FAM222A: variants seen among roughly 807,000 people sequenced by gnomAD.
The protein encoded by FAM222A is family with sequence similarity 222 member A.
In FAM222A, 7 loss-of-function variants were observed where a neutral mutation model predicts 25.8. The ratio of observed to expected loss-of-function variants is 0.27; its 90% CI spans 0.15 to 0.51. The LOEUF is 0.51. FAM222A is among the 20% of genes least tolerant of loss of function. The pLI is 0.97. For synonymous variants in FAM222A, 294 were observed against 298.8 expected, an observed-to-expected ratio of 0.98 and a Z score of 0.17; for missense variants, 573 against 640.5, an observed-to-expected ratio of 0.89 and a Z score of 1.14.
At chr12:109,743,945 G>T (rs1272643278) in intron 1 of FAM222A, 156 bp from the exon 2 acceptor site, 5 of 985,306 alleles carry the variant, frequency 5.1e-6, no homozygotes, top group Non-Finnish European at 6.0e-6. Context: ...GATGCCTCAG[G>T]CCTTGGTCCC....
chr12:109,769,247 G>A lies in FAM222A; in HGVS notation c.1318G>A (p.Asp440Asn), dbSNP rs747843008. 23 of 1,611,494 alleles carry A rather than the reference G, an allele frequency of 1.4e-5. No homozygotes were observed. The highest frequency in any genetic ancestry group is 8.0e-5 in the African/African-American group (6 of 75,008). ...YETVAVPRLL[D>N]HQHAHIRLPV... is the part of the protein sequence containing the mutation. ...GACGGTGGCCGTGCCCCGGCTACTC[G>A]ACCACCAGCATGCCCACATCCGCCT... is the stretch of plus-strand genomic sequence containing the variant. Residue 440 changes from aspartate to asparagine, a missense_variant, in exon 3 of 3, where the codon GAC becomes AAC. Around this residue, in one of 3 missense-constraint regions of FAM222A, gnomAD observed 49 missense variants for 78.9 expected, o/e 0.62. Transcript: ENST00000538780.
chr12:109,769,336 G>A lies in FAM222A; in HGVS notation c.*48G>A, dbSNP rs1359376666. 1 of 1,518,512 alleles carries A rather than the reference G, an allele frequency of 6.6e-7. No homozygotes were observed. The highest frequency in any genetic ancestry group is 8.9e-7 in the Non-Finnish European group (1 of 1,129,728). The allele number at this position is 1,518,512 out of a possible 1,614,324, so 94.1% of individuals were successfully genotyped here. On this transcript the variant is annotated 3_prime_UTR_variant, in exon 3 of 3. Transcript: ENST00000538780. ...ACATGCGGACAGGGCGCAGAGCCGG[G>A]AGGCAGGCCGCAGAACAGGGTGGGC...
chr12:109,722,345 T>G (rs1364396652), intron 1 of FAM222A, among the ~76,000 whole-genome samples: 1 of 152,224 alleles, frequency 6.6e-6, no homozygotes. Flanking sequence ...TGAGGTCCCG[T>G]CTAAGAGTAC....
intron 1 of FAM222A, among the ~76,000 whole-genome samples, chr12:109,720,901 C>G (rs1237011252): frequency 1.3e-5 from 2 of 152,156 alleles, no homozygotes; most frequent in African/African-American, 4.8e-5. Context: ...GTGGGCCCTG[C>G]CCTGGGCCAC....
chr12:109,741,791 A>C (rs1888246560), intron 1 of FAM222A, among the ~76,000 whole-genome samples: 1 of 152,174 alleles, frequency 6.6e-6, no homozygotes, highest in African/African-American at 2.4e-5. Flanking sequence ...CTGGGAGGCA[A>C]GGAGGTTCCA....
intron 1 of FAM222A, among the ~76,000 whole-genome samples, chr12:109,732,229 A>G (rs575370524): frequency 1.3e-5 from 2 of 152,278 alleles, no homozygotes; most frequent in South Asian, 4.2e-4. Flanking sequence ...GCCGGGTGGG[A>G]GGAGGTTCTT....
intron 1 of FAM222A, among the ~76,000 whole-genome samples, chr12:109,732,769 A>G (rs118045312): frequency 1.0e-3 from 154 of 152,352 alleles, no homozygotes; most frequent in Admixed American, 1.8e-3. Context: ...TTCCACTGCT[A>G]CATCTCATCA....
intron 2 of FAM222A, among the ~76,000 whole-genome samples, chr12:109,757,109 ACT>A (rs748023404): frequency 3.8e-4 from 58 of 152,212 alleles, no homozygotes; most frequent in Non-Finnish European, 5.1e-4. Flanking sequence ...AAATTATGAA[ACT>A]CTGACAAAAG....
intron 1 of FAM222A, among the ~76,000 whole-genome samples, chr12:109,724,954 G>T (rs1887813784): frequency 1.3e-5 from 2 of 152,094 alleles, no homozygotes; most frequent in Non-Finnish European, 2.9e-5. Context: ...TCCCTTTCTT[G>T]TTGGCATCCG....
intron 1 of FAM222A, chr12:109,720,062 A>G (rs1887719972): frequency 2.0e-6 from 2 of 983,234 alleles, no homozygotes; most frequent in South Asian, 4.7e-5. Context: ...GTGAGCTTGC[A>G]TGTGCATAGT....
chr12:109,769,488 A>C lies in FAM222A; in HGVS notation c.*200A>C, dbSNP rs1592805792. On this transcript the variant is annotated 3_prime_UTR_variant, in exon 3 of 3. Transcript: ENST00000538780. ...ACCTCACATACCAAGGCCCCTCCCCACCATCGGTTGCCCCAGGACACAGTG... is the reference window on the plus strand; with the variant it reads ...ACCTCACATACCAAGGCCCCTCCCCCCCATCGGTTGCCCCAGGACACAGTG... 6.2e-6 allele frequency: 4 copies of C among 645,542 alleles called. No individual in the cohort carries two copies. In the East Asian group the frequency reaches 1.1e-4, roughly 18 times the overall value. The allele number at this position is 645,542 out of a possible 1,614,324, so 40.0% of individuals were successfully genotyped here.
intron 1 of FAM222A, among the ~76,000 whole-genome samples, chr12:109,716,470 A>G (rs943377123): frequency 6.6e-6 from 1 of 152,198 alleles, no homozygotes; most frequent in Non-Finnish European, 1.5e-5. Flanking sequence ...CTAGATTAAC[A>G]GGTCAATAAA....
chr12:109,741,061 G>A (rs988418410), intron 1 of FAM222A, among the ~76,000 whole-genome samples: 4 of 152,166 alleles, frequency 2.6e-5, no homozygotes, highest in Non-Finnish European at 4.4e-5. Context: ...TGGGCTCCAC[G>A]CCGGGGCCAG....
chr12:109,714,229 G>A lies in FAM222A; in HGVS notation c.-715G>A. 1 of 208,154 alleles carries A rather than the reference G, an allele frequency of 4.8e-6. No homozygotes were observed. Among genetic ancestry groups the A allele is most frequent in the Admixed American group, 5.9e-5 (1 of 16,990 alleles). 12.9% of individuals were successfully genotyped at this position (208,154 alleles called of 1,614,324 possible). A position where few individuals can be genotyped will look rare whatever the true frequency, so the allele number is the denominator to read the frequency against. On this transcript the variant is annotated 5_prime_UTR_variant, in exon 1 of 3. Transcript: ENST00000538780. The surrounding 1 kb of genome is among the most constrained non-coding windows in gnomAD (Gnocchi z 4.2). ...CGCCGCCGCCGCCGCTGCCGCCGCCGCTGTTCGCCGGCTTCCCCTCCCCCC... is the reference window on the plus strand; with the variant it reads ...CGCCGCCGCCGCCGCTGCCGCCGCCACTGTTCGCCGGCTTCCCCTCCCCCC...
In FAM222A at chr12:109,768,093, A is replaced by T; in HGVS notation, c.164A>T (p.Asn55Ile). The T allele has an allele frequency of 6.2e-7, 1 of 1,613,982 alleles. No homozygotes were observed. The change falls in exon 3 of 3, where the codon AAC (asparagine) becomes ATC (isoleucine). Residue 55 changes from asparagine to isoleucine, a missense_variant. Transcript: ENST00000538780. ...GACGCCTATGCCGAGAAGGTGGCCA[A>T]CAGCCCGCTGTCCATCAAGATCTTC... ...ELDAYAEKVA[N>I]SPLSIKIFPT... is the part of the protein sequence containing the mutation.
chr12:109,715,490 A>C (rs905415615), intron 1 of FAM222A, among the ~76,000 whole-genome samples: 7 of 152,082 alleles, frequency 4.6e-5, no homozygotes, highest in Admixed American at 2.6e-4. Context: ...TGCCGTGGCA[A>C]CACCACTTGC....
chr12:109,765,578 G>A (rs1889024862), intron 2 of FAM222A, among the ~76,000 whole-genome samples: 1 of 152,208 alleles, frequency 6.6e-6, no homozygotes, highest in Non-Finnish European at 1.5e-5. Context: ...CAGTGGCCCA[G>A]GACTTAACCA....
rs375889455 is a variant in FAM222A at position 109,765,051 on chromosome 12, A to G, written c.83-2961A>G. ...TTCTTCACTCCCTGCTGCCCTGGCCAGGTCAGACCACACCCTTCACCCAGG... is the reference window on the plus strand; with the variant it reads ...TTCTTCACTCCCTGCTGCCCTGGCCGGGTCAGACCACACCCTTCACCCAGG... On this transcript the variant is annotated intron_variant, in intron 2 of 2. Transcript: ENST00000538780. Among the ~76,000 whole-genome samples the G allele has an allele frequency of 5.4e-4, 83 of 152,310 alleles. 1 individual carries two copies. In the South Asian group the frequency reaches 0.012, roughly 21 times the overall value.
chr12:109,722,219 G>T (rs941666634), intron 1 of FAM222A, among the ~76,000 whole-genome samples: 7 of 152,342 alleles, frequency 4.6e-5, no homozygotes, highest in African/African-American at 1.7e-4. Flanking sequence ...TGTGTAACCA[G>T]ATGTGGCTAG....
Sources: gnomAD v4.1 joint callset for allele counts (sites outside exome capture counted in the v4.1 genomes callset) on GRCh38, gnomAD v4.1.1 for gene constraint, gnomAD v4.1.1 regional missense constraint, Gnocchi (gnomAD v3.1) non-coding constraint, MANE v1.5 for transcripts, NCBI Gene and HGNC (gene_info 2026-07-23, HGNC 2026-07-21) for gene names.